Variants in PCDH15 observed in about 807,000 individuals in gnomAD.
The protein encoded by PCDH15 is protocadherin-15.
Under a neutral mutation model 178.5 loss-of-function variants are expected in PCDH15, and 129 were observed. The ratio of observed to expected loss-of-function variants is 0.72; its 90% CI spans 0.63 to 0.84. The LOEUF is 0.84. PCDH15 is among the 40% of genes least tolerant of loss of function. The pLI is 0.00. For synonymous variants in PCDH15, 800 were observed against 732.0 expected (o/e 1.09, Z -1.50); for missense variants, 2,230 against 2,099.9 (o/e 1.06, Z -1.21).
chr10:55,401,295 A>G (rs984517198), intron 2 of PCDH15, among the ~76,000 whole-genome samples: 1 of 152,062 alleles, frequency 6.6e-6, no homozygotes, highest in Non-Finnish European at 1.5e-5. Context: ...TGATAAGACT[A>G]TCTGCCTGGG....
intron 2 of PCDH15, among the ~76,000 whole-genome samples, chr10:55,613,066 C>A (rs1207002540): frequency 7.0e-6 from 1 of 142,356 alleles, no homozygotes; most frequent in Admixed American, 7.4e-5. Flanking sequence ...CTCTGTCGCC[C>A]AGGCTGGAGT....
At chr10:54,484,521 A>G (rs1431470449) in intron 3 of PCDH15, among the ~76,000 whole-genome samples, 1 of 151,946 alleles carries the variant, frequency 6.6e-6, no homozygotes, top group East Asian at 1.9e-4. Context: ...GAATACCTCA[A>G]ATGGAAAATT....
chr10:54,194,740 C>CTA (rs60365134), intron 11 of PCDH15, among the ~76,000 whole-genome samples: 32,055 of 151,012 alleles, frequency 0.21, 4,916 homozygotes, highest in African/African-American at 0.43. Context: ...ATCTATCTAT[C>CTA]TATATATATA....
At chr10:54,678,812 C>A (rs185166803) in intron 1 of PCDH15, among the ~76,000 whole-genome samples, 23 of 152,162 alleles carry the variant, frequency 1.5e-4, no homozygotes, top group Non-Finnish European at 4.4e-5. Flanking sequence ...AATAATGATA[C>A]AACATTAAAT....
At chr10:54,524,592 A>G (rs927646362) in intron 3 of PCDH15, among the ~76,000 whole-genome samples, 4 of 152,194 alleles carry the variant, frequency 2.6e-5, no homozygotes, top group Non-Finnish European at 4.4e-5. Context: ...CTTCAATGCT[A>G]TAAGCAACTT....
chr10:54,303,193 A>G (rs2060247577), intron 8 of PCDH15, among the ~76,000 whole-genome samples: 1 of 152,058 alleles, frequency 6.6e-6, no homozygotes, highest in Non-Finnish European at 1.5e-5. Context: ...GGCAATTATC[A>G]CTCAGAGAAT....
intron 3 of PCDH15, among the ~76,000 whole-genome samples, chr10:54,820,690 G>A (rs1031170116): frequency 1.3e-5 from 2 of 151,946 alleles, no homozygotes; most frequent in African/African-American, 4.8e-5. Context: ...CGTAGTTAAA[G>A]AAACTATAGT....
intron 2 of PCDH15, chr10:54,528,427 C>T: frequency 5.1e-6 from 8 of 1,556,922 alleles, no homozygotes; most frequent in Non-Finnish European, 7.0e-6. Context: ...ATAGAGTCAT[C>T]AATGGAAGCA....
intron 2 of PCDH15, among the ~76,000 whole-genome samples, chr10:55,462,258 G>C (rs561681133): frequency 5.3e-5 from 8 of 152,158 alleles, no homozygotes; most frequent in African/African-American, 1.9e-4. Context: ...GACCAAACTT[G>C]GGTTACAAAT....
chr10:54,653,980 T>A (rs1253322550), intron 2 of PCDH15, among the ~76,000 whole-genome samples: 1 of 152,348 alleles, frequency 6.6e-6, no homozygotes, highest in South Asian at 2.1e-4. Context: ...CTTGTCATTT[T>A]ATGGTGAAAA....
At position 53,859,670 on chromosome 10, in the gene PCDH15, T is replaced by TA. The variant is rs1028601514; in HGVS notation, c.3718-2408dup. Among the ~76,000 whole-genome samples, 142 of 147,712 alleles carry TA rather than the reference T, an allele frequency of 9.6e-4. 1 individual carries two copies. Among genetic ancestry groups the TA allele is most frequent in the South Asian group, 5.9e-3 (28 of 4,718 alleles). ...GACTCTTGCAGCGGAGACTTAAAATTAAAAAAAAAAATGTTTCACATGTGC... is the reference window on the plus strand; with the variant it reads ...GACTCTTGCAGCGGAGACTTAAAATTAAAAAAAAAAAATGTTTCACATGTGC... On this transcript the variant is annotated intron_variant, in intron 27 of 37. Transcript: ENST00000644397.
At chr10:55,161,079 C>A (rs2589452) in intron 2 of PCDH15, among the ~76,000 whole-genome samples, 92,053 of 151,932 alleles carry the variant, frequency 0.61, 28,224 homozygotes, top group African/African-American at 0.67. Flanking sequence ...CCATAGAGCT[C>A]GTTCCCTGAG....
chr10:54,500,241 A>G (rs2080539601), intron 3 of PCDH15, among the ~76,000 whole-genome samples: 1 of 152,086 alleles, frequency 6.6e-6, no homozygotes, highest in Non-Finnish European at 1.5e-5. Flanking sequence ...TGGGAGCTAA[A>G]CATTGAGTTC....
At chr10:55,033,383 C>A (rs1253101496) in intron 2 of PCDH15, among the ~76,000 whole-genome samples, 2 of 152,152 alleles carry the variant, frequency 1.3e-5, no homozygotes, top group Non-Finnish European at 2.9e-5. Context: ...TCCTCTGGGG[C>A]ATTTGGGGCC....
intron 2 of PCDH15, among the ~76,000 whole-genome samples, chr10:55,528,046 T>A (rs1025561310): frequency 4.6e-5 from 7 of 151,714 alleles, no homozygotes; most frequent in African/African-American, 1.5e-4. Flanking sequence ...AATTTTTTTT[T>A]AATTTTCTCA....
At chr10:54,240,227 A>G (rs75240768) in intron 8 of PCDH15, among the ~76,000 whole-genome samples, 8,243 of 152,002 alleles carry the variant, frequency 0.054, 546 homozygotes, top group African/African-American at 0.17. Context: ...AGAGAACAGA[A>G]GTAAAATAAT....
chr10:54,282,579 A>C (rs1279150954), intron 8 of PCDH15, among the ~76,000 whole-genome samples: 1 of 152,240 alleles, frequency 6.6e-6, no homozygotes, highest in East Asian at 1.9e-4. Flanking sequence ...AAGCTCAAAC[A>C]AATTTAAGAT....
chr10:55,464,852 T>C (rs1839798073), intron 2 of PCDH15, among the ~76,000 whole-genome samples: 1 of 149,980 alleles, frequency 6.7e-6, no homozygotes, highest in South Asian at 2.1e-4. Flanking sequence ...TCCTTGATAT[T>C]TTCACAATTT....
At chr10:54,054,043 G>T (rs932851940) in intron 18 of PCDH15, among the ~76,000 whole-genome samples, 2 of 152,030 alleles carry the variant, frequency 1.3e-5, no homozygotes, top group African/African-American at 4.8e-5. Context: ...TTTGGCTTGG[G>T]GAATAGTTAA....
Sources: allele counts gnomAD v4.1 joint callset (sites outside exome capture counted in the v4.1 genomes callset), GRCh38; gene constraint gnomAD v4.1.1; transcripts MANE v1.5; gene names NCBI Gene and HGNC (gene_info 2026-07-23, HGNC 2026-07-21).